The following VPS13A variants were observed in gnomAD, a reference collection of about 807,000 sequenced individuals.
The protein encoded by VPS13A is intermembrane lipid transfer protein VPS13A.
Under a neutral mutation model 390.9 loss-of-function variants are expected in VPS13A, and 264 were observed. The ratio of observed to expected loss-of-function variants is 0.68; its 90% CI spans 0.61 to 0.75. VPS13A has a LOEUF of 0.75. VPS13A is among the 30% of genes least tolerant of loss of function. The probability of loss-of-function intolerance (pLI) is 0.00; values close to 1 mark genes in which losing one functional copy is unlikely to be tolerated. For missense variants in VPS13A, 3,409 were observed against 3,733.9 expected (o/e 0.91, Z 2.27); for synonymous variants, 1,231 against 1,227.1 (o/e 1.00, Z -0.07).
At chr9:77,239,719 T>A (rs1169198892) in intron 19 of VPS13A, among the ~76,000 whole-genome samples, 1 of 152,002 alleles carries the variant, frequency 6.6e-6, no homozygotes, top group Admixed American at 6.6e-5. Flanking sequence ...TTAATTAATT[T>A]ATTTAGGCTT....
At chr9:77,410,636 T>TA (rs1402397601) in intron 71 of VPS13A, among the ~76,000 whole-genome samples, 1 of 151,628 alleles carries the variant, frequency 6.6e-6, no homozygotes, top group East Asian at 1.9e-4. Flanking sequence ...AAGGCAGGAG[T>TA]TGCAATCCTA....
intron 17 of VPS13A, 34 bp downstream of exon 17, chr9:77,228,298 GA>G (rs1196878212): frequency 1.3e-6 from 2 of 1,540,306 alleles, no homozygotes; most frequent in Non-Finnish European, 8.8e-7. Flanking sequence ...TATCATATAT[GA>G]AAAAACTTCA....
intron 10 of VPS13A, among the ~76,000 whole-genome samples, chr9:77,219,655 T>G (rs1051943678): frequency 6.6e-6 from 1 of 151,850 alleles, no homozygotes; most frequent in African/African-American, 2.4e-5. Flanking sequence ...ATTAAAACTA[T>G]TTTTTTGATT....
Position 77,365,480 on chromosome 9 carries a change from T to C in VPS13A, c.8232T>C (p.Asp2744=), listed in dbSNP as rs768662997. Residue 2744 remains aspartate (D), a synonymous_variant, in exon 60 of 72, where the codon GAT becomes GAC. Transcript: ENST00000360280. ...ENTEVELFHK[D]IEAFKEEYKT... ...TATAGGTTGAGCTTTTTCATAAAGA[T>C]ATAGAAGCTTTCAAAGAAGAATATA... 1 of 1,609,760 alleles carries C rather than the reference T, an allele frequency of 6.2e-7. No homozygotes were observed. Among genetic ancestry groups the C allele is most frequent in the East Asian group, 2.2e-5 (1 of 44,672 alleles).
intron 32 of VPS13A, among the ~76,000 whole-genome samples, chr9:77,294,012 T>C (rs557806253): frequency 6.6e-6 from 1 of 152,194 alleles, no homozygotes; most frequent in Non-Finnish European, 1.5e-5. Flanking sequence ...CAAGTGATCC[T>C]CCCGCCCCAA....
chr9:77,402,088 T>A (rs1834418658), intron 68 of VPS13A, among the ~76,000 whole-genome samples: 1 of 152,160 alleles, frequency 6.6e-6, no homozygotes, highest in Admixed American at 6.5e-5. Context: ...TCTGAATCTG[T>A]ATGTATGTCC....
intron 10 of VPS13A, among the ~76,000 whole-genome samples, chr9:77,219,117 C>T: frequency 6.6e-6 from 1 of 151,234 alleles, no homozygotes; most frequent in Admixed American, 6.6e-5. Context: ...AATTGTAGGT[C>T]CAGGGTAGCT....
intron 67 of VPS13A, 148 bp downstream of exon 67, chr9:77,371,297 A>G: frequency 8.2e-7 from 1 of 1,223,976 alleles, no homozygotes; most frequent in Non-Finnish European, 1.1e-6. Context: ...TGGGTAATTT[A>G]TAATGAACAG....
chr9:77,405,089 G>A lies in VPS13A; in HGVS notation c.9276-775G>A, dbSNP rs181430765. On this transcript the variant is annotated intron_variant, in intron 69 of 71. Transcript: ENST00000360280. ...TTAAGAAGAAAGACATTTGAAGGAA[G>A]GATTAAATAGACTTCTTATAGACAG... Among the ~76,000 whole-genome samples, 21 of 151,998 alleles carry A rather than the reference G, an allele frequency of 1.4e-4. No homozygotes were observed. In the East Asian group the frequency reaches 1.7e-3, roughly 13 times the overall value.
chr9:77,211,955 T>C (rs1039392768), intron 7 of VPS13A, among the ~76,000 whole-genome samples: 1 of 152,140 alleles, frequency 6.6e-6, no homozygotes, highest in Non-Finnish European at 1.5e-5. Flanking sequence ...GCGAACCTTA[T>C]TGTGAACTGC....
chr9:77,385,347 C>T (rs543298711), intron 68 of VPS13A, among the ~76,000 whole-genome samples: 11 of 151,826 alleles, frequency 7.2e-5, no homozygotes, highest in East Asian at 5.8e-4. Flanking sequence ...TACTTTTTAC[C>T]GTTTTGTTTC....
At chr9:77,269,727 T>C (rs1045054685) in intron 23 of VPS13A, among the ~76,000 whole-genome samples, 1 of 152,228 alleles carries the variant, frequency 6.6e-6, no homozygotes, top group African/African-American at 2.4e-5. Flanking sequence ...CGTTTGCTAA[T>C]ATATGTTGTT....
rs138009035 is a variant in VPS13A, at chr9:77,214,331, C to T, written c.699C>T (p.Asp233=). Reference sequence around the variant, plus strand: ...AAAAGCAATTTGTCTTTTAATAGGACGACTTGAAGAATGGCATTGTCAATG... The same window carrying T: ...AAAAGCAATTTGTCTTTTAATAGGATGACTTGAAGAATGGCATTGTCAATG... ...FYLSDYDNSL[D]DLKNGIVNEN... is the part of the protein sequence containing the mutation. The change falls in exon 10 of 72, where the codon GAC becomes GAT. Residue 233 remains aspartate, a splice_region_variant and synonymous_variant. Transcript: ENST00000360280. 105 of 1,612,234 alleles carry T rather than the reference C, an allele frequency of 6.5e-5. No individual in the cohort carries two copies. The highest frequency in any genetic ancestry group is 3.3e-4 in the African/African-American group (25 of 74,896).
chr9:77,188,892 T>C (rs1824505293), intron 1 of VPS13A, among the ~76,000 whole-genome samples: 1 of 152,072 alleles, frequency 6.6e-6, no homozygotes. Context: ...TTTTTTTCCA[T>C]GTTTCTTGGC....
chr9:77,401,401 C>A (rs1193659169), intron 68 of VPS13A, among the ~76,000 whole-genome samples: 1 of 148,706 alleles, frequency 6.7e-6, no homozygotes, highest in East Asian at 2.0e-4. Context: ...TCAATAACAT[C>A]TTTATTATGA....
rs753777681 is a variant in VPS13A, at chr9:77,323,263, T to C, written c.5991+36T>C. On this transcript the variant is annotated intron_variant, in intron 45 of 71. Transcript: ENST00000360280. ...ATCAATTTTGGGGGATGTCCTGTTA[T>C]GCATATCTGTGTGCTAATAAAATTA... is the stretch of plus-strand genomic sequence containing the variant. The C allele has an allele frequency of 1.1e-5, 18 of 1,606,380 alleles. No homozygotes were observed. In the South Asian group the frequency reaches 1.5e-4, roughly 14 times the overall value.
intron 10 of VPS13A, among the ~76,000 whole-genome samples, chr9:77,214,662 A>G (rs554353078): frequency 2.0e-5 from 3 of 152,354 alleles, no homozygotes; most frequent in South Asian, 4.1e-4. Flanking sequence ...TTCAGTAACA[A>G]TTAGGGTAAT....
chr9:77,328,954 C>T (rs1441278980), intron 45 of VPS13A, among the ~76,000 whole-genome samples: 1 of 152,162 alleles, frequency 6.6e-6, no homozygotes, highest in African/African-American at 2.4e-5. Flanking sequence ...AAATGGGAAG[C>T]AAGGCACTTT....
In VPS13A at chr9:77,318,592, G is replaced by A; in HGVS notation, c.5313+1G>A. 2 of 1,610,562 alleles carry A rather than the reference G, an allele frequency of 1.2e-6. No individual in the cohort carries two copies. Among genetic ancestry groups the A allele is most frequent in the Non-Finnish European group, 1.7e-6 (2 of 1,177,042 alleles). The stretch of plus-strand genomic sequence containing the variant: ...TCTGCACTGTCAGCTTGAGCTAGAA[G>A]TAAGCATATTTTTCCAGTTTTATAA... On this transcript the variant is annotated splice_donor_variant, in intron 41 of 71. Coordinates refer to ENST00000360280, the MANE Select transcript of VPS13A (RefSeq NM_033305.3). LOFTEE classifies it high-confidence loss of function.
Sources: allele counts gnomAD v4.1 joint callset (sites outside exome capture counted in the v4.1 genomes callset), GRCh38; gene constraint gnomAD v4.1.1; transcripts MANE v1.5; gene names NCBI Gene and HGNC (gene_info 2026-07-23, HGNC 2026-07-21).